The following ZMAT4 variants were observed in gnomAD, a reference collection of about 807,000 sequenced individuals.
ZMAT4 encodes the protein zinc finger matrin-type 4, also known as zinc finger matrin-type protein 4.
ZMAT4 carries 17 observed loss-of-function variants against 28.7 expected under a neutral mutation model. The observed-to-expected ratio is 0.59, with a 90% CI of 0.41 to 0.89. The LOEUF (loss-of-function observed/expected upper bound fraction) is 0.89, where lower values mean the gene tolerates loss of function less well. Ranked by LOEUF, ZMAT4 falls within the 40% of genes least tolerant of loss-of-function variation. The pLI is 0.00. For missense variants in ZMAT4, 240 were observed against 283.8 expected, an observed-to-expected ratio of 0.85 and a Z score of 1.11; for synonymous variants, 117 against 109.2, an observed-to-expected ratio of 1.07 and a Z score of -0.44.
chr8:40,589,991 T>TCCTTCCTTCCTA (rs1284439080), intron 5 of ZMAT4, among the ~76,000 whole-genome samples: 14 of 108,290 alleles, frequency 1.3e-4, no homozygotes, highest in Non-Finnish European at 9.4e-5. Context: ...CTTCCTTCCT[T>TCCTTCCTTCCTA]CCTTCCTTCC....
intron 6 of ZMAT4, among the ~76,000 whole-genome samples, chr8:40,534,239 A>T (rs1410121234): frequency 1.3e-5 from 2 of 152,176 alleles, no homozygotes; most frequent in Non-Finnish European, 1.5e-5. Context: ...TCAGTTCCCT[A>T]TAGCTTTTGT....
At chr8:40,745,792 A>G (rs936541925) in intron 3 of ZMAT4, among the ~76,000 whole-genome samples, 7 of 152,178 alleles carry the variant, frequency 4.6e-5, no homozygotes, top group Non-Finnish European at 7.3e-5. Flanking sequence ...AAATAGGGAC[A>G]TTTGGTGTTT....
At chr8:40,658,450 G>A (rs1177148527) in intron 5 of ZMAT4, among the ~76,000 whole-genome samples, 2 of 152,102 alleles carry the variant, frequency 1.3e-5, no homozygotes, top group Non-Finnish European at 2.9e-5. Flanking sequence ...TGATGTGTGT[G>A]TGGTAGCGGT....
intron 1 of ZMAT4, among the ~76,000 whole-genome samples, chr8:40,864,023 G>T (rs1415060367): frequency 7.2e-5 from 11 of 152,148 alleles, no homozygotes. Flanking sequence ...CATAGGGAAG[G>T]TACTCAGTCA....
rs546142607 is a variant in ZMAT4, at chr8:40,877,316, G to A, written c.-5+20367C>T. On this transcript the variant is annotated intron_variant, in intron 1 of 6. Transcript: ENST00000297737. The stretch of plus-strand genomic sequence containing the variant: ...CTGTTGTTGAAACACCCTGGTATGC[G>A]GTACTTCATTACGACTGCACTAGTA... Among the ~76,000 whole-genome samples, 129 of 152,232 alleles carry A rather than the reference G, an allele frequency of 8.5e-4. 2 individuals are homozygous for A. The highest frequency in any genetic ancestry group is 3.0e-3 in the African/African-American group (124 of 41,542).
chr8:40,821,476 T>C (rs913603735), intron 2 of ZMAT4, among the ~76,000 whole-genome samples: 6 of 152,214 alleles, frequency 3.9e-5, no homozygotes, highest in Non-Finnish European at 7.3e-5. Flanking sequence ...TCCCTATTTT[T>C]TTTCACCTGA....
chr8:40,579,278 A>C (rs138668016), intron 6 of ZMAT4, among the ~76,000 whole-genome samples: 7 of 152,270 alleles, frequency 4.6e-5, no homozygotes, highest in Admixed American at 1.3e-4. Flanking sequence ...TGATGAATAC[A>C]TGCTCCCAAA....
At chr8:40,865,593 G>T (rs762183952) in intron 1 of ZMAT4, among the ~76,000 whole-genome samples, 1 of 152,204 alleles carries the variant, frequency 6.6e-6, no homozygotes, top group Non-Finnish European at 1.5e-5. Flanking sequence ...CCAGCTGGGG[G>T]ATTGAAATAC....
intron 5 of ZMAT4, among the ~76,000 whole-genome samples, chr8:40,667,793 G>T (rs1172582823): frequency 6.8e-6 from 1 of 146,780 alleles, no homozygotes; most frequent in Admixed American, 6.9e-5. Context: ...TTGGTTGCTT[G>T]CCACTTCAAG....
In ZMAT4 at chr8:40,809,374, C is replaced by T. The variant is rs148923812; in HGVS notation, c.102+16201G>A. ...GAAAACCTACCTGTTGGGTTCTATG[C>T]TCACTACCTGGGTGATGGGATCCAT... On this transcript the variant is annotated intron_variant, in intron 2 of 6. Coordinates refer to ENST00000297737, the MANE Select transcript of ZMAT4 (RefSeq NM_024645.3). 1.5e-3 allele frequency among the ~76,000 whole-genome samples: 229 copies of T among 152,304 alleles called. 1 individual carries two copies. Among genetic ancestry groups the T allele is most frequent in the African/African-American group, 4.7e-3 (194 of 41,582 alleles).
intron 3 of ZMAT4, among the ~76,000 whole-genome samples, chr8:40,760,605 C>G (rs941382292): frequency 3.2e-4 from 49 of 152,186 alleles, no homozygotes; most frequent in African/African-American, 1.2e-3. Flanking sequence ...AGTTTCCACT[C>G]ACTAACTCTG....
chr8:40,537,949 G>T (rs1043301059), intron 6 of ZMAT4, among the ~76,000 whole-genome samples: 2 of 152,096 alleles, frequency 1.3e-5, no homozygotes, highest in African/African-American at 4.8e-5. Context: ...TAGGCTTTGG[G>T]CATCATCAGG....
chr8:40,715,508 A>AG (rs1810813365), intron 3 of ZMAT4, among the ~76,000 whole-genome samples: 1 of 152,218 alleles, frequency 6.6e-6, no homozygotes, highest in African/African-American at 2.4e-5. Context: ...ATTATGCAAA[A>AG]TTATTTTTTT....
intron 5 of ZMAT4, among the ~76,000 whole-genome samples, chr8:40,607,117 C>CTTTTTTTTTTTTTT (rs71544299): frequency 9.1e-5 from 6 of 65,718 alleles, no homozygotes; most frequent in Admixed American, 2.2e-4. Flanking sequence ...TATCTTGTAT[C>CTTTTTTTTTTTTTT]TTTTTTTTTT....
At chr8:40,698,724 A>G (rs997631671) in intron 3 of ZMAT4, among the ~76,000 whole-genome samples, 1 of 152,200 alleles carries the variant, frequency 6.6e-6, no homozygotes, top group Non-Finnish European at 1.5e-5. Flanking sequence ...CCTCCTTAAG[A>G]CATTAGTCTG....
chr8:40,798,126 C>T (rs990163498), intron 2 of ZMAT4, among the ~76,000 whole-genome samples: 2 of 152,298 alleles, frequency 1.3e-5, no homozygotes, highest in African/African-American at 2.4e-5. Context: ...TCAGGCTAAG[C>T]GGTCAGGCTC....
chr8:40,725,491 T>C (rs1384581007), intron 3 of ZMAT4, among the ~76,000 whole-genome samples: 1 of 152,216 alleles, frequency 6.6e-6, no homozygotes, highest in Non-Finnish European at 1.5e-5. Context: ...TGTATACTTC[T>C]GTTTGGAATG....
At chr8:40,770,489 C>T (rs1207862490) in intron 2 of ZMAT4, among the ~76,000 whole-genome samples, 2 of 151,594 alleles carry the variant, frequency 1.3e-5, no homozygotes, top group East Asian at 3.9e-4. Flanking sequence ...CTCCTTCCTT[C>T]CTCCCTCCCT....
At chr8:40,892,676 C>T (rs999687593) in intron 1 of ZMAT4, among the ~76,000 whole-genome samples, 4 of 152,184 alleles carry the variant, frequency 2.6e-5, no homozygotes, top group Non-Finnish European at 5.9e-5. Context: ...GCTATCAGCT[C>T]GCTGTGTGAC....
Sources: gnomAD v4.1 joint callset for allele counts (sites outside exome capture counted in the v4.1 genomes callset) on GRCh38, gnomAD v4.1.1 for gene constraint, MANE v1.5 for transcripts, NCBI Gene and HGNC (gene_info 2026-07-23, HGNC 2026-07-21) for gene names.